The following ST6GALNAC3 variants were observed in gnomAD, a reference collection of about 807,000 sequenced individuals.
The protein encoded by ST6GALNAC3 is alpha-N-acetylgalactosaminide alpha-2,6-sialyltransferase 3.
In ST6GALNAC3, 25 loss-of-function variants were observed where a neutral mutation model predicts 32.7. That is an observed-to-expected ratio of 0.76 (90% confidence interval 0.56 to 1.07). ST6GALNAC3 has a LOEUF of 1.07. ST6GALNAC3 is among the 50% of genes least tolerant of loss of function. The pLI is 0.00. For missense variants in ST6GALNAC3, 355 were observed against 382.4 expected, an observed-to-expected ratio of 0.93 and a Z score of 0.60; for synonymous variants, 129 against 133.1, an observed-to-expected ratio of 0.97 and a Z score of 0.21.
chr1:76,405,784 C>G (rs1294280582), intron 2 of ST6GALNAC3, among the ~76,000 whole-genome samples: 1 of 152,006 alleles, frequency 6.6e-6, no homozygotes, highest in African/African-American at 2.4e-5. Context: ...CTCTCTCTCA[C>G]TCACTTTCTC....
At chr1:76,198,477 GA>G (rs1220767848) in intron 1 of ST6GALNAC3, among the ~76,000 whole-genome samples, 3 of 152,202 alleles carry the variant, frequency 2.0e-5, no homozygotes, top group African/African-American at 7.2e-5. Context: ...TTGAGGCAGG[GA>G]AACAGGATGT....
intron 3 of ST6GALNAC3, among the ~76,000 whole-genome samples, chr1:76,518,677 G>A (rs1156954700): frequency 6.6e-6 from 1 of 151,964 alleles, no homozygotes; most frequent in East Asian, 1.9e-4. Context: ...GCCCCTTCCT[G>A]TGTTTTGTTA....
At chr1:76,424,972 G>A (rs1655270535) in intron 3 of ST6GALNAC3, among the ~76,000 whole-genome samples, 2 of 151,966 alleles carry the variant, frequency 1.3e-5, no homozygotes, top group African/African-American at 4.8e-5. Context: ...ATTCGTAGCT[G>A]AAATCTCAGT....
chr1:76,284,338 G>C (rs765205241), intron 1 of ST6GALNAC3, among the ~76,000 whole-genome samples: 2 of 152,160 alleles, frequency 1.3e-5, no homozygotes, highest in Non-Finnish European at 2.9e-5. Context: ...CAGTCAAAAA[G>C]TTCTTCTAAA....
At chr1:76,206,937 A>T (rs10873869) in intron 1 of ST6GALNAC3, among the ~76,000 whole-genome samples, 93,634 of 151,978 alleles carry the variant, frequency 0.62, 30,358 homozygotes, top group East Asian at 0.93. Context: ...TATCATGGAG[A>T]GGTGTTTCCT....
At chr1:76,412,478 A>T in intron 3 of ST6GALNAC3, 61 bp downstream of exon 3, 1 of 1,472,376 alleles carries the variant, frequency 6.8e-7, no homozygotes, top group Non-Finnish European at 9.1e-7. Flanking sequence ...AATCTTCGCC[A>T]ATTCCTTTTG....
At chr1:76,142,834 T>A (rs1429725725) in intron 1 of ST6GALNAC3, 2 of 450,382 alleles carry the variant, frequency 4.4e-6, no homozygotes, top group Non-Finnish European at 8.9e-6. Context: ...TTTTTTTTTT[T>A]CTTTTAAATT....
chr1:76,593,529 T>C (rs929099678), intron 3 of ST6GALNAC3, among the ~76,000 whole-genome samples: 1 of 152,132 alleles, frequency 6.6e-6, no homozygotes, highest in Non-Finnish European at 1.5e-5. Flanking sequence ...TTTTGAGAAA[T>C]TGAATGTGGC....
At chr1:76,514,530 A>G (rs11162173) in intron 3 of ST6GALNAC3, among the ~76,000 whole-genome samples, 57,996 of 151,780 alleles carry the variant, frequency 0.38, 11,140 homozygotes, top group Admixed American at 0.4. Flanking sequence ...TCACTCTCTC[A>G]GGAGTGGACT....
chr1:76,351,428 T>G (rs1428989632), intron 2 of ST6GALNAC3, among the ~76,000 whole-genome samples: 1 of 152,134 alleles, frequency 6.6e-6, no homozygotes, highest in African/African-American at 2.4e-5. Flanking sequence ...AATTCTCTTT[T>G]TATCTAAATT....
chr1:76,248,011 G>C (rs1036742251), intron 1 of ST6GALNAC3, among the ~76,000 whole-genome samples: 1 of 152,142 alleles, frequency 6.6e-6, no homozygotes, highest in Non-Finnish European at 1.5e-5. Context: ...GAAAAGCGTA[G>C]TACCCAGGGC....
chr1:76,325,790 CAAAT>C (rs1033612448), intron 2 of ST6GALNAC3, among the ~76,000 whole-genome samples: 1 of 147,938 alleles, frequency 6.8e-6, no homozygotes, highest in African/African-American at 2.5e-5. Context: ...TACATACACA[CAAAT>C]ATATATATAT....
chr1:76,590,070 GC>G lies in ST6GALNAC3; in HGVS notation c.624-37380del, dbSNP rs1327543974. ...CATTTAAGAGCAGGATTGGCAAGTG[GC>G]CTTGAAAATGTGCTCAGTACAGCCA... On this transcript the variant is annotated intron_variant, in intron 3 of 4. Coordinates refer to ENST00000328299, the MANE Select transcript of ST6GALNAC3 (RefSeq NM_152996.4). Among the ~76,000 whole-genome samples the G allele has an allele frequency of 5.3e-5, 8 of 152,208 alleles. No homozygotes were observed. The East Asian group carries it at 1.4e-3, about 26-fold the overall frequency.
rs543503127 is a variant in ST6GALNAC3 at position 76,341,510 on chromosome 1, A to C, written c.213+27511A>C. Among the ~76,000 whole-genome samples, 18 of 152,166 alleles carry C rather than the reference A, an allele frequency of 1.2e-4. 1 individual carries two copies. In the South Asian group the frequency reaches 3.7e-3, roughly 32 times the overall value. On this transcript the variant is annotated intron_variant, in intron 2 of 4. Coordinates refer to ENST00000328299, the MANE Select transcript of ST6GALNAC3 (RefSeq NM_152996.4). ...CTTTGTGAGTAATGCTGTGATGAAC[A>C]TACTAGTGCAGGTGTCTCTTGGTAT...
At chr1:76,613,743 C>T (rs1378213564) in intron 3 of ST6GALNAC3, among the ~76,000 whole-genome samples, 1 of 152,234 alleles carries the variant, frequency 6.6e-6, no homozygotes, top group Non-Finnish European at 1.5e-5. Context: ...AGACGTGCCT[C>T]CTTCCTCTTT....
At chr1:76,176,562 T>C (rs1055585539) in intron 1 of ST6GALNAC3, among the ~76,000 whole-genome samples, 1 of 152,158 alleles carries the variant, frequency 6.6e-6, no homozygotes, top group African/African-American at 2.4e-5. Flanking sequence ...TATTGATTGA[T>C]CACCCACCAG....
intron 3 of ST6GALNAC3, chr1:76,577,120 G>T: frequency 3.7e-6 from 4 of 1,068,206 alleles, no homozygotes; most frequent in South Asian, 5.9e-5. Context: ...TGTGGTATGT[G>T]GTATGTAAAT....
chr1:76,591,175 G>A (rs1295341261), intron 3 of ST6GALNAC3, among the ~76,000 whole-genome samples: 1 of 146,306 alleles, frequency 6.8e-6, no homozygotes, highest in Non-Finnish European at 1.5e-5. Flanking sequence ...ACCAGGCTGT[G>A]TGCGTATGTG....
chr1:76,613,843 TC>T (rs1352068180), intron 3 of ST6GALNAC3, among the ~76,000 whole-genome samples: 3 of 152,230 alleles, frequency 2.0e-5, no homozygotes, highest in Admixed American at 2.0e-4. Flanking sequence ...AAACCTCTTT[TC>T]TTTGTGGATT....
Sources: allele counts gnomAD v4.1 joint callset (sites outside exome capture counted in the v4.1 genomes callset), GRCh38; gene constraint gnomAD v4.1.1; transcripts MANE v1.5; gene names NCBI Gene and HGNC (gene_info 2026-07-23, HGNC 2026-07-21).